Variants in TAFA2 observed in about 807,000 individuals in gnomAD.
TAFA2 encodes the protein TAFA chemokine like family member 2.
Under a neutral mutation model 18.8 loss-of-function variants are expected in TAFA2, and 7 were observed. The ratio of observed to expected loss-of-function variants is 0.37; its 90% CI spans 0.21 to 0.70. The LOEUF is 0.70. Among genes scored for constraint, TAFA2 ranks in the 30% least tolerant of loss-of-function variants. The pLI, the probability that TAFA2 is intolerant of heterozygous loss-of-function variation, is 0.53. For synonymous variants in TAFA2, 60 were observed against 54.2 expected (o/e 1.11, Z -0.47); for missense variants, 122 against 158.1 (o/e 0.77, Z 1.23).
chr12:62,024,617 C>T (rs1394485332), intron 1 of TAFA2, among the ~76,000 whole-genome samples: 2 of 152,030 alleles, frequency 1.3e-5, no homozygotes, highest in African/African-American at 4.8e-5. Context: ...CAAGTCAATG[C>T]TAATTAAGCT....
chr12:62,190,299 T>C (rs2062614383), intron 1 of TAFA2, among the ~76,000 whole-genome samples: 2 of 152,098 alleles, frequency 1.3e-5, no homozygotes, highest in Non-Finnish European at 2.9e-5. Flanking sequence ...CTGAGAGAAA[T>C]AGGGCGACGG....
chr12:62,072,509 G>C (rs547912844), intron 1 of TAFA2, among the ~76,000 whole-genome samples: 2 of 152,022 alleles, frequency 1.3e-5, no homozygotes, highest in Non-Finnish European at 2.9e-5. Context: ...GGCCGGGCAT[G>C]ATGTCTCATG....
intron 1 of TAFA2, among the ~76,000 whole-genome samples, chr12:61,951,555 G>T (rs1878467898): frequency 6.6e-6 from 1 of 152,096 alleles, no homozygotes; most frequent in Non-Finnish European, 1.5e-5. Context: ...ATGGGGAAAA[G>T]TCAGAACCAC....
chr12:62,044,478 A>G (rs938665091), intron 1 of TAFA2, among the ~76,000 whole-genome samples: 3 of 152,138 alleles, frequency 2.0e-5, no homozygotes, highest in African/African-American at 7.2e-5. Flanking sequence ...GACATTTCCC[A>G]CAAGTAAAGA....
chr12:62,178,009 A>T (rs150274660), intron 1 of TAFA2, among the ~76,000 whole-genome samples: 1 of 152,280 alleles, frequency 6.6e-6, no homozygotes, highest in East Asian at 1.9e-4. Flanking sequence ...TAAGCCTCAA[A>T]GAGACCACAG....
intron 2 of TAFA2, among the ~76,000 whole-genome samples, chr12:61,791,631 C>T (rs1870984345): frequency 6.6e-6 from 1 of 151,766 alleles, no homozygotes; most frequent in Admixed American, 6.6e-5. Flanking sequence ...CTCAACATCA[C>T]TAATCAACAG....
chr12:62,021,983 G>A (rs985682134), intron 1 of TAFA2: 12 of 681,718 alleles, frequency 1.8e-5, no homozygotes, highest in African/African-American at 8.8e-5. Flanking sequence ...AGCTTGTAAC[G>A]CAGAGACTCT....
intron 2 of TAFA2, among the ~76,000 whole-genome samples, chr12:61,856,967 A>C (rs910740728): frequency 6.6e-6 from 1 of 151,750 alleles, no homozygotes; most frequent in African/African-American, 2.4e-5. Context: ...CTATAAATAC[A>C]GTATAGTCTT....
chr12:61,728,773 A>T (rs1430937622), intron 4 of TAFA2, among the ~76,000 whole-genome samples: 1 of 151,348 alleles, frequency 6.6e-6, no homozygotes, highest in African/African-American at 2.4e-5. Context: ...TATTCTATTC[A>T]TCATGCTAGT....
At chr12:62,120,968 C>T (rs1870170267) in intron 1 of TAFA2, among the ~76,000 whole-genome samples, 1 of 152,048 alleles carries the variant, frequency 6.6e-6, no homozygotes, top group East Asian at 1.9e-4. Flanking sequence ...CATTCTCCTG[C>T]CTCAGCCTCC....
At chr12:61,963,058 TC>T (rs1345614557) in intron 1 of TAFA2, among the ~76,000 whole-genome samples, 7 of 152,064 alleles carry the variant, frequency 4.6e-5, no homozygotes, top group African/African-American at 1.7e-4. Context: ...CATGAACTCA[TC>T]CTTTTTTATG....
chr12:62,243,097 T>G (rs573376795), intron 1 of TAFA2, among the ~76,000 whole-genome samples: 2 of 152,326 alleles, frequency 1.3e-5, no homozygotes, highest in Middle Eastern at 3.4e-3. Context: ...TTTTAAATAT[T>G]AAGCTGTTTA....
At chr12:62,066,740 A>G (rs1039673947) in intron 1 of TAFA2, among the ~76,000 whole-genome samples, 13 of 152,046 alleles carry the variant, frequency 8.6e-5, no homozygotes, top group African/African-American at 3.1e-4. Context: ...TTGCTTTCAA[A>G]TCATGGCTAT....
chr12:62,037,787 A>C (rs986471817), intron 1 of TAFA2, among the ~76,000 whole-genome samples: 6 of 152,234 alleles, frequency 3.9e-5, no homozygotes, highest in African/African-American at 1.4e-4. Context: ...GACAGGGATA[A>C]ATATAAGTCA....
At chr12:62,117,195 G>A (rs1299999005) in intron 1 of TAFA2, among the ~76,000 whole-genome samples, 1 of 152,102 alleles carries the variant, frequency 6.6e-6, no homozygotes, top group Non-Finnish European at 1.5e-5. Context: ...AAGTATCTGG[G>A]CTTCATTACA....
chr12:61,779,429 G>A (rs1870410102), intron 2 of TAFA2, among the ~76,000 whole-genome samples: 2 of 151,798 alleles, frequency 1.3e-5, no homozygotes, highest in African/African-American at 4.8e-5. Context: ...GAGAGTAAAA[G>A]GGCATGCTAT....
In TAFA2 at chr12:62,023,498, C is replaced by G. The variant is rs952375417; in HGVS notation, c.-1-156072G>C. 4.6e-5 allele frequency among the ~76,000 whole-genome samples: 7 copies of G among 151,760 alleles called. 1 individual carries two copies. The Middle Eastern group carries it at 0.017, about 369-fold the overall frequency. On this transcript the variant is annotated intron_variant, in intron 1 of 4. Coordinates refer to ENST00000416284, the MANE Select transcript of TAFA2 (RefSeq NM_178539.5). ...GAAAATTAGATAAAATCAGATAAAA[C>G]AAAGAATTTGCCGTTTTACTGGAGC... is the stretch of plus-strand genomic sequence containing the variant.
intron 1 of TAFA2, among the ~76,000 whole-genome samples, chr12:62,222,574 C>G (rs1222944237): frequency 1.3e-5 from 2 of 151,916 alleles, no homozygotes; most frequent in Non-Finnish European, 2.9e-5. Flanking sequence ...GTGATGCGAT[C>G]TCGGCTCAGT....
intron 1 of TAFA2, among the ~76,000 whole-genome samples, chr12:62,228,264 TA>T (rs1332390313): frequency 2.6e-5 from 4 of 152,170 alleles, no homozygotes; most frequent in African/African-American, 9.7e-5. Context: ...AGCTCCCACT[TA>T]TAAGTCAGAA....
Sources: gnomAD v4.1 joint callset for allele counts (sites outside exome capture counted in the v4.1 genomes callset) on GRCh38, gnomAD v4.1.1 for gene constraint, MANE v1.5 for transcripts, NCBI Gene and HGNC (gene_info 2026-07-23, HGNC 2026-07-21) for gene names.